RABGAP1L: variants seen among roughly 807,000 people sequenced by gnomAD.
The protein encoded by RABGAP1L is RAB GTPase activating protein 1 like.
A neutral mutation model predicts 137.7 loss-of-function variants in RABGAP1L; 63 were observed. The ratio of observed to expected loss-of-function variants is 0.46; its 90% confidence interval spans 0.37 to 0.56. RABGAP1L has a LOEUF of 0.56. RABGAP1L is among the 20% of genes least tolerant of loss of function. The probability of loss-of-function intolerance (pLI) is 0.00; values close to 1 mark genes in which losing one functional copy is unlikely to be tolerated. For missense variants in RABGAP1L, 1,095 were observed against 1,244.0 expected (o/e 0.88, Z 1.80); for synonymous variants, 431 against 433.7 (o/e 0.99, Z 0.08).
At chr1:174,544,480 T>G (rs142546895) in intron 13 of RABGAP1L, among the ~76,000 whole-genome samples, 112 of 152,302 alleles carry the variant, frequency 7.4e-4, no homozygotes, top group Non-Finnish European at 1.6e-4. Flanking sequence ...TGCTCTTTAT[T>G]CTAGTTAGCC....
chr1:174,690,774 C>CA (rs1199208647), intron 15 of RABGAP1L, among the ~76,000 whole-genome samples: 1 of 145,046 alleles, frequency 6.9e-6, no homozygotes, highest in Admixed American at 6.9e-5. Flanking sequence ...AATATGTAAA[C>CA]AAAAAATGAA....
At chr1:174,205,811 A>G (rs557579288) in intron 1 of RABGAP1L, among the ~76,000 whole-genome samples, 1 of 152,138 alleles carries the variant, frequency 6.6e-6, no homozygotes, top group Admixed American at 6.5e-5. Flanking sequence ...TTCTTCTGGT[A>G]GCTTTGGTGT....
chr1:174,378,235 G>A lies in RABGAP1L; in HGVS notation c.1559+7163G>A, dbSNP rs960071048. On this transcript the variant is annotated intron_variant, in intron 12 of 25. Coordinates refer to ENST00000681986, the MANE Select transcript of RABGAP1L (RefSeq NM_001366446.1). ...AGTCTTTGCTATTGTGAATAATGCC[G>A]CAATAAACATACGTGTGTATGTGTC... 5.1e-3 allele frequency among the ~76,000 whole-genome samples: 773 copies of A among 151,128 alleles called. 3 individuals carry two copies. The highest frequency in any genetic ancestry group is 0.017 in the Middle Eastern group (5 of 294).
At position 174,992,444 on chromosome 1, in the gene RABGAP1L, C is replaced by T. The variant is rs1453475057; in HGVS notation, c.*2443C>T. The T allele has an allele frequency of 1.3e-5, 2 of 152,032 alleles. No individual in the cohort carries two copies. Among genetic ancestry groups the T allele is most frequent in the South Asian group, 2.1e-4 (1 of 4,822 alleles). The allele number at this position is 152,032 out of a possible 1,614,324, so 9.4% of individuals were successfully genotyped here. A position where few individuals can be genotyped will look rare whatever the true frequency, so the allele number is the denominator to read the frequency against. ...GGGCGACAAGAGCAAAATTCCGTCT[C>T]GAAAAATCACCAGGTACATACCTCT... On this transcript the variant is annotated 3_prime_UTR_variant, in exon 26 of 26. Transcript: ENST00000681986.
At chr1:174,976,829 C>T (rs1306083394) in intron 22 of RABGAP1L, among the ~76,000 whole-genome samples, 4 of 152,194 alleles carry the variant, frequency 2.6e-5, no homozygotes, top group African/African-American at 9.7e-5. Flanking sequence ...GCAGAGAGGC[C>T]TATGGGCCCA....
rs1558070538 is a variant in RABGAP1L at position 174,780,103 on chromosome 1, TAAATA to T, written c.2211+27752_2211+27756del. Among the ~76,000 whole-genome samples, 225 of 150,064 alleles carry T rather than the reference TAAATA, an allele frequency of 1.5e-3. 2 individuals are homozygous for T. The highest frequency in any genetic ancestry group is 5.6e-3 in the South Asian group (26 of 4,654). ...ATAAATAAATAAATAAATAAATAAA[TAAATA>T]AATAAATAAATTAAATAAGCCCTAA... On this transcript the variant is annotated intron_variant, in intron 18 of 25. Transcript: ENST00000681986.
At chr1:174,468,204 G>T (rs1387455206) in intron 13 of RABGAP1L, among the ~76,000 whole-genome samples, 2 of 151,468 alleles carry the variant, frequency 1.3e-5, no homozygotes, top group Non-Finnish European at 2.9e-5. Flanking sequence ...CTTTTATATT[G>T]TATAGTCTAA....
intron 19 of RABGAP1L, among the ~76,000 whole-genome samples, chr1:174,941,814 G>A (rs1665934833): frequency 6.6e-6 from 1 of 151,834 alleles, no homozygotes; most frequent in Non-Finnish European, 1.5e-5. Context: ...ATTTCCTGAT[G>A]GATTTGTGAA....
chr1:174,527,706 A>G (rs1417779380), intron 13 of RABGAP1L, among the ~76,000 whole-genome samples: 1 of 152,078 alleles, frequency 6.6e-6, no homozygotes, highest in Non-Finnish European at 1.5e-5. Context: ...TTCTGTCTAG[A>G]TTATTTACCT....
At chr1:174,620,311 C>T (rs543844314) in intron 13 of RABGAP1L, among the ~76,000 whole-genome samples, 1 of 152,162 alleles carries the variant, frequency 6.6e-6, no homozygotes, top group African/African-American at 2.4e-5. Context: ...AACTCTTCAC[C>T]CCAAATCAAC....
chr1:174,906,024 T>C (rs544628294), intron 19 of RABGAP1L, among the ~76,000 whole-genome samples: 1 of 152,196 alleles, frequency 6.6e-6, no homozygotes, highest in South Asian at 2.1e-4. Context: ...AGAAAGCTTA[T>C]TCATTTCCTT....
intron 15 of RABGAP1L, among the ~76,000 whole-genome samples, chr1:174,693,928 A>G (rs370915710): frequency 6.6e-6 from 1 of 152,210 alleles, no homozygotes; most frequent in Non-Finnish European, 1.5e-5. Context: ...AATGAGATAC[A>G]TATATTCAGT....
chr1:174,862,707 A>G (rs1298901649), intron 19 of RABGAP1L, among the ~76,000 whole-genome samples: 3 of 152,000 alleles, frequency 2.0e-5, no homozygotes, highest in Non-Finnish European at 4.4e-5. Flanking sequence ...TGCTAATTTC[A>G]TGCACTTTAG....
At chr1:174,171,824 A>G (rs1221447310) in intron 1 of RABGAP1L, among the ~76,000 whole-genome samples, 1 of 152,128 alleles carries the variant, frequency 6.6e-6, no homozygotes, top group African/African-American at 2.4e-5. Flanking sequence ...AAAATGGTGA[A>G]AACCCGTCTC....
chr1:174,510,450 A>T (rs1314311904), intron 13 of RABGAP1L, among the ~76,000 whole-genome samples: 1 of 152,156 alleles, frequency 6.6e-6, no homozygotes, highest in Non-Finnish European at 1.5e-5. Context: ...AGACTCACCT[A>T]TTCCTTTCTG....
chr1:174,651,710 G>A (rs1018748675), intron 14 of RABGAP1L, among the ~76,000 whole-genome samples: 3 of 152,114 alleles, frequency 2.0e-5, no homozygotes, highest in South Asian at 4.2e-4. Context: ...CCATCCTTCT[G>A]TTTTGAGCCT....
chr1:174,735,612 CAAAAAAAAAAAAAAAAAAA>C (rs59281177), intron 17 of RABGAP1L, among the ~76,000 whole-genome samples: 3 of 46,134 alleles, frequency 6.5e-5, no homozygotes, highest in African/African-American at 2.4e-4. Context: ...AACTCCATCT[CAAAAAAAAAAAAAAAAAAA>C]AAAAAAAAAA....
chr1:174,199,399 C>T (rs1288392713), intron 1 of RABGAP1L, among the ~76,000 whole-genome samples: 1 of 152,094 alleles, frequency 6.6e-6, no homozygotes, highest in East Asian at 1.9e-4. Context: ...TCAAGCAATT[C>T]TCCTGCCTGA....
intron 13 of RABGAP1L, among the ~76,000 whole-genome samples, chr1:174,597,274 A>G (rs75852945): frequency 0.012 from 1,809 of 152,310 alleles, 51 homozygotes; most frequent in African/African-American, 0.042. Flanking sequence ...ATTTTTTGGA[A>G]TAGTTTGAAT....
Sources: allele counts gnomAD v4.1 joint callset (sites outside exome capture counted in the v4.1 genomes callset), GRCh38; gene constraint gnomAD v4.1.1; transcripts MANE v1.5; gene names NCBI Gene and HGNC (gene_info 2026-07-23, HGNC 2026-07-21).